The following ZBTB37 variants were observed in gnomAD, a reference collection of about 807,000 sequenced individuals.
ZBTB37 encodes zinc finger and BTB domain-containing protein 37.
A neutral mutation model predicts 37.7 loss-of-function variants in ZBTB37; 15 were observed. The ratio of observed to expected loss-of-function variants is 0.40; its 90% CI spans 0.27 to 0.61. ZBTB37 has a LOEUF of 0.61. Ranked by LOEUF, ZBTB37 falls within the 20% of genes least tolerant of loss-of-function variation. The pLI, the probability that ZBTB37 is intolerant of heterozygous loss-of-function variation, is 0.44. For missense variants in ZBTB37, 514 were observed against 641.9 expected (o/e 0.80, Z 2.15); for synonymous variants, 231 against 220.6 (o/e 1.05, Z -0.42).
At chr1:173,893,968 G>A (rs1256701117) in exon 4 of ZBTB37, 1 of 152,192 alleles carries the variant, frequency 6.6e-6, no homozygotes, top group Non-Finnish European at 1.5e-5. Flanking sequence ...ATGTCATATT[G>A]ACTCCATTTA....
chr1:173,886,975 G>A (rs1656650835), downstream of ZBTB37: 1 of 152,162 alleles, frequency 6.6e-6, no homozygotes, highest in Non-Finnish European at 1.5e-5. Context: ...ACATCCTTGG[G>A]TAATGGCTCT....
At chr1:173,882,403 A>T (rs992961589) in intron 4 of ZBTB37, among the ~76,000 whole-genome samples, 132 of 151,448 alleles carry the variant, frequency 8.7e-4, no homozygotes, top group African/African-American at 3.1e-3. Context: ...CACCACGCCC[A>T]GCTAATTTTT....
chr1:173,883,415 G>A (rs1656445889), intron 4 of ZBTB37, among the ~76,000 whole-genome samples: 1 of 152,168 alleles, frequency 6.6e-6, no homozygotes, highest in Non-Finnish European at 1.5e-5. Flanking sequence ...GGAGGCGGAG[G>A]TTGTGATGAG....
exon 3 of ZBTB37, chr1:173,870,265 T>A: frequency 6.2e-7 from 1 of 1,614,044 alleles, no homozygotes; most frequent in Non-Finnish European, 8.5e-7. Flanking sequence ...GATTCCTGAC[T>A]TCAGCAACTC....
intron 4 of ZBTB37, among the ~76,000 whole-genome samples, chr1:173,880,818 G>C (rs1038620963): frequency 2.6e-5 from 4 of 152,156 alleles, no homozygotes; most frequent in African/African-American, 9.7e-5. Context: ...GTAATTTTTT[G>C]GATGAGACTG....
At chr1:173,898,954 A>G (rs985058095) in exon 4 of ZBTB37, 1 of 152,224 alleles carries the variant, frequency 6.6e-6, no homozygotes, top group Non-Finnish European at 1.5e-5. Flanking sequence ...TGAGAGAGTG[A>G]CCCATTTTCA....
intron 4 of ZBTB37, among the ~76,000 whole-genome samples, chr1:173,885,381 T>C (rs1557890549): frequency 6.6e-6 from 1 of 152,144 alleles, no homozygotes; most frequent in Non-Finnish European, 1.5e-5. Context: ...TCAGCAGGGG[T>C]TTAATAAGCA....
chr1:173,872,386 T>C (rs567721183), intron 3 of ZBTB37, among the ~76,000 whole-genome samples: 2 of 152,150 alleles, frequency 1.3e-5, no homozygotes, highest in East Asian at 3.9e-4. Flanking sequence ...TTTTATTTTA[T>C]TTTTGAGATG....
chr1:173,877,373 CTTTTTTTTT>C (rs58043559), intron 4 of ZBTB37, among the ~76,000 whole-genome samples: 1 of 87,794 alleles, frequency 1.1e-5, no homozygotes, highest in African/African-American at 3.9e-5. Context: ...GATTTTCTTT[CTTTTTTTTT>C]TTTTTTTTTT....
chr1:173,884,910 T>C (rs1656538480), intron 4 of ZBTB37, among the ~76,000 whole-genome samples: 1 of 152,212 alleles, frequency 6.6e-6, no homozygotes, highest in African/African-American at 2.4e-5. Flanking sequence ...GTGGCTACTG[T>C]AATGAATGGG....
At chr1:173,871,776 G>A (rs1296846560) in intron 3 of ZBTB37, among the ~76,000 whole-genome samples, 5 of 151,740 alleles carry the variant, frequency 3.3e-5, no homozygotes, top group South Asian at 4.2e-4. Flanking sequence ...TTTTTCACCA[G>A]TGCTGCTATG....
chr1:173,898,461 CAA>C (rs1215063050), exon 4 of ZBTB37: 13 of 90,286 alleles, frequency 1.4e-4, no homozygotes, highest in East Asian at 2.9e-4. Flanking sequence ...GACTCCATCT[CAA>C]AAAAAAAAAA....
rs527676578 is a variant in ZBTB37, at chr1:173,872,368, C to T, written c.924-1099C>T. On this transcript the variant is annotated intron_variant, in intron 3 of 4. Transcript: ENST00000427304. The stretch of plus-strand genomic sequence containing the variant: ...GATTACAGGTGTGAGCCACTGCGCC[C>T]GGCCTTATTTTATTTTATTTTTGAG... 9.9e-5 allele frequency among the ~76,000 whole-genome samples: 15 copies of T among 151,880 alleles called. No homozygotes were observed. In the East Asian group the frequency reaches 1.6e-3, roughly 16 times the overall value.
At chr1:173,870,841 G>C (rs1477146055) in exon 3 of ZBTB37, 2 of 1,614,244 alleles carry the variant, frequency 1.2e-6, no homozygotes, top group Non-Finnish European at 1.7e-6. Context: ...TTCTGATGTA[G>C]AGAGCCGGGA....
At chr1:173,871,362 CTG>C (rs1572048561) in intron 3 of ZBTB37, among the ~76,000 whole-genome samples, 3 of 152,314 alleles carry the variant, frequency 2.0e-5, no homozygotes, top group East Asian at 1.9e-4. Flanking sequence ...GTTGTGAGAA[CTG>C]TGGTAAAGTT....
At position 173,870,259 on chromosome 1, in the gene ZBTB37, C is replaced by G. The variant is rs1473403357; in HGVS notation, c.34C>G (p.Pro12Ala). The change falls in exon 3 of 5, where the codon CCT becomes GCT. Residue 12 changes from proline to alanine, a missense_variant. Physicochemically the swap from Pro to Ala is conservative, Grantham distance 27 (BLOSUM62 -1). Coordinates refer to ENST00000427304, the Ensembl canonical transcript of ZBTB37. ...AGGTGGGAACATACAATTGGAGATTCCTGACTTCAGCAACTCTGTCCTGAG... is the reference window on the plus strand; with the variant it reads ...AGGTGGGAACATACAATTGGAGATTGCTGACTTCAGCAACTCTGTCCTGAG... The G allele has an allele frequency of 6.2e-7, 1 of 1,613,786 alleles. No homozygotes were observed. The highest frequency in any genetic ancestry group is 8.5e-7 in the Non-Finnish European group (1 of 1,179,806).
downstream of ZBTB37, chr1:173,891,132 T>A (rs1656825373): frequency 6.6e-6 from 1 of 152,240 alleles, no homozygotes; most frequent in South Asian, 2.1e-4. Context: ...GGCCTGTTGT[T>A]TGTCCTTGTC....
chr1:173,876,729 A>G (rs1266498924), intron 4 of ZBTB37, among the ~76,000 whole-genome samples: 1 of 152,182 alleles, frequency 6.6e-6, no homozygotes, highest in East Asian at 1.9e-4. Flanking sequence ...AGGAGCTTGG[A>G]GGAAAGGTAA....
At chr1:173,881,494 G>C (rs1395025665) in intron 4 of ZBTB37, among the ~76,000 whole-genome samples, 1 of 152,302 alleles carries the variant, frequency 6.6e-6, no homozygotes, top group South Asian at 2.1e-4. Flanking sequence ...TGAGTCAAAT[G>C]GTATTTCTAG....
Sources: gnomAD v4.1 joint callset for allele counts (sites outside exome capture counted in the v4.1 genomes callset) on GRCh38, gnomAD v4.1.1 for gene constraint, MANE v1.5 for transcripts, NCBI Gene and HGNC (gene_info 2026-07-23, HGNC 2026-07-21) for gene names.